BACH2: variants seen among roughly 807,000 people sequenced by gnomAD.
BACH2 encodes transcription regulator protein BACH2.
Under a neutral mutation model 61.8 loss-of-function variants are expected in BACH2, and 5 were observed. That is an observed-to-expected ratio of 0.08 (90% confidence interval 0.04 to 0.17). The LOEUF is 0.17. BACH2 is among the 10% of genes least tolerant of loss of function. The probability of loss-of-function intolerance (pLI) is 1.00; values close to 1 mark genes in which losing one functional copy is unlikely to be tolerated. For missense variants in BACH2, 824 were observed against 1,091.1 expected, an observed-to-expected ratio of 0.76 and a Z score of 3.45; for synonymous variants, 446 against 440.1, an observed-to-expected ratio of 1.01 and a Z score of -0.17.
At chr6:89,984,457 C>T (rs1313175448) in intron 6 of BACH2, among the ~76,000 whole-genome samples, 1 of 151,898 alleles carries the variant, frequency 6.6e-6, no homozygotes, top group African/African-American at 2.4e-5. Context: ...GGAGGCTGGA[C>T]AGATGCTTAG....
intron 4 of BACH2, among the ~76,000 whole-genome samples, chr6:90,110,615 A>G (rs1413907529): frequency 6.6e-6 from 1 of 152,210 alleles, no homozygotes; most frequent in East Asian, 1.9e-4. Flanking sequence ...TTTTGTCTCA[A>G]GCTCAAATTT....
At chr6:90,111,226 T>C (rs1375395499) in intron 4 of BACH2, among the ~76,000 whole-genome samples, 1 of 152,220 alleles carries the variant, frequency 6.6e-6, no homozygotes, top group Non-Finnish European at 1.5e-5. Context: ...TTGAGAACTG[T>C]GGCACTAGCT....
intron 1 of BACH2, among the ~76,000 whole-genome samples, chr6:90,294,831 T>C (rs1250987100): frequency 6.6e-6 from 1 of 152,174 alleles, no homozygotes; most frequent in African/African-American, 2.4e-5. Flanking sequence ...CAGCAAGACG[T>C]GCCTTTCCTA....
At chr6:90,123,769 C>CA (rs796903431) in intron 4 of BACH2, among the ~76,000 whole-genome samples, 4,785 of 33,084 alleles carry the variant, frequency 0.14, 863 homozygotes, top group African/African-American at 0.34. Context: ...GACTCCGTCT[C>CA]AAAAAAAAAA....
chr6:90,271,376 A>AAAAAAAG lies in BACH2; in HGVS notation c.-353+466_-353+472dup, dbSNP rs1414620383. On this transcript the variant is annotated intron_variant, in intron 2 of 8. Coordinates refer to ENST00000257749, the MANE Select transcript of BACH2 (RefSeq NM_021813.4). The stretch of plus-strand genomic sequence containing the variant: ...AAAAACAACCCCATTTAAAAAAAAA[A>AAAAAAAG]AAAAAAGAAAAAAGAAAAAAGAAAG... Among the ~76,000 whole-genome samples, 99 of 150,370 alleles carry AAAAAAAG rather than the reference A, an allele frequency of 6.6e-4. No homozygotes were observed. The East Asian group carries it at 0.015, about 23-fold the overall frequency.
chr6:90,276,743 C>G (rs748625505), intron 1 of BACH2, among the ~76,000 whole-genome samples: 1 of 152,128 alleles, frequency 6.6e-6, no homozygotes, highest in Non-Finnish European at 1.5e-5. Flanking sequence ...TAAATACACT[C>G]CCCAGTTATT....
Position 89,932,870 on chromosome 6 carries a change from C to T in BACH2, c.2064G>A (p.Leu688=). The change falls in exon 9 of 9, where the codon CTG becomes CTA. Residue 688 remains leucine, a synonymous_variant. Transcript: ENST00000257749. ...CTTTCAGTTGATTCCTCTCTGACAACAGTTTCTCTTTCTCACACACCTGGA... is the reference window on the plus strand; with the variant it reads ...CTTTCAGTTGATTCCTCTCTGACAATAGTTTCTCTTTCTCACACACCTGGA... ...IRKLVCEKEK[L]LSERNQLKAC... The T allele has an allele frequency of 6.3e-7, 1 of 1,596,808 alleles. No homozygotes were observed. The highest frequency in any genetic ancestry group is 8.6e-7 in the Non-Finnish European group (1 of 1,167,262).
chr6:90,157,603 C>T (rs918713653), intron 4 of BACH2, among the ~76,000 whole-genome samples: 8 of 152,138 alleles, frequency 5.3e-5, no homozygotes, highest in Admixed American at 2.0e-4. Flanking sequence ...AAACCCATAC[C>T]GCTGTGCATG....
chr6:90,139,495 C>T (rs770903731), intron 4 of BACH2, among the ~76,000 whole-genome samples: 1 of 152,186 alleles, frequency 6.6e-6, no homozygotes, highest in Admixed American at 6.5e-5. Flanking sequence ...TATAGACCAG[C>T]TGCTGCCTCA....
chr6:90,173,705 G>A (rs901736186), intron 4 of BACH2, among the ~76,000 whole-genome samples: 1 of 152,122 alleles, frequency 6.6e-6, no homozygotes, highest in East Asian at 1.9e-4. Flanking sequence ...AAAAGCATGA[G>A]GAACTTTCTG....
chr6:90,191,640 C>T (rs80090885), intron 4 of BACH2, among the ~76,000 whole-genome samples: 2,999 of 152,244 alleles, frequency 0.02, 110 homozygotes, highest in African/African-American at 0.067. Context: ...TTATTGGGCT[C>T]ATTACTTAAG....
rs569040878 is a variant in BACH2 at position 90,244,622 on chromosome 6, G to GCGCACACA, written c.-275+7883_-275+7890dup. Among the ~76,000 whole-genome samples, 1,289 of 152,232 alleles carry GCGCACACA rather than the reference G, an allele frequency of 8.5e-3. 16 individuals carry two copies. Among genetic ancestry groups the GCGCACACA allele is most frequent in the African/African-American group, 0.029 (1,195 of 41,532 alleles). Reference sequence around the variant, plus strand: ...CTCCCCCCTTCACACGCGCACACATGCGCACACACGCACACAAATACTCGT... The same window carrying GCGCACACA: ...CTCCCCCCTTCACACGCGCACACATGCGCACACACGCACACACGCACACAAATACTCGT... On this transcript the variant is annotated intron_variant, in intron 3 of 8. Coordinates refer to ENST00000257749, the MANE Select transcript of BACH2 (RefSeq NM_021813.4).
chr6:90,085,597 T>C (rs1562432881), intron 5 of BACH2, among the ~76,000 whole-genome samples: 1 of 152,208 alleles, frequency 6.6e-6, no homozygotes, highest in Non-Finnish European at 1.5e-5. Context: ...ACTGTGTCTT[T>C]ACTCTGATAG....
At chr6:90,191,172 G>A (rs901826996) in intron 4 of BACH2, among the ~76,000 whole-genome samples, 1 of 152,128 alleles carries the variant, frequency 6.6e-6, no homozygotes, top group Non-Finnish European at 1.5e-5. Context: ...TGCATAACCT[G>A]GCCACATTCA....
intron 4 of BACH2, among the ~76,000 whole-genome samples, chr6:90,095,767 AT>A (rs1468372873): frequency 7.6e-6 from 1 of 131,670 alleles, no homozygotes; most frequent in African/African-American, 3.1e-5. Context: ...CACCATCATC[AT>A]CATCATCATC....
chr6:90,167,730 C>T (rs546589519), intron 4 of BACH2, among the ~76,000 whole-genome samples: 33 of 152,328 alleles, frequency 2.2e-4, no homozygotes, highest in African/African-American at 7.5e-4. Context: ...GGAAAGTACA[C>T]ATTTCCCCAG....
rs1210988979 is a variant in BACH2 at position 90,127,575 on chromosome 6, G to A, written c.-161-38466C>T. ...CCCTGCACTTAAAATGGCTTTGGGA[G>A]GCTGGGAAGATGTGACTTTCTTGCT... is the stretch of plus-strand genomic sequence containing the variant. On this transcript the variant is annotated intron_variant, in intron 4 of 8. Transcript: ENST00000257749. Among the ~76,000 whole-genome samples the A allele has an allele frequency of 2.6e-5, 4 of 152,318 alleles. No individual in the cohort carries two copies. The East Asian group carries it at 7.7e-4, about 29-fold the overall frequency.
intron 7 of BACH2, among the ~76,000 whole-genome samples, chr6:89,944,755 G>A (rs1355591851): frequency 1.3e-5 from 2 of 149,368 alleles, no homozygotes; most frequent in Non-Finnish European, 3.0e-5. Flanking sequence ...ATCTCTCTCA[G>A]TGTAAAACAT....
chr6:90,172,855 T>C (rs1044741316), intron 4 of BACH2, among the ~76,000 whole-genome samples: 1 of 152,054 alleles, frequency 6.6e-6, no homozygotes, highest in African/African-American at 2.4e-5. Flanking sequence ...CAGCTGCTAC[T>C]GTATACAAAT....
Sources: allele counts gnomAD v4.1 joint callset (sites outside exome capture counted in the v4.1 genomes callset), GRCh38; gene constraint gnomAD v4.1.1; transcripts MANE v1.5; gene names NCBI Gene and HGNC (gene_info 2026-07-23, HGNC 2026-07-21).